The following SNX29 variants were observed in gnomAD, a reference collection of about 807,000 sequenced individuals.
SNX29 encodes sorting nexin-29.
In SNX29, 78 loss-of-function variants were observed where a neutral mutation model predicts 102.1. The ratio of observed to expected loss-of-function variants is 0.76; its 90% confidence interval spans 0.64 to 0.92. The LOEUF (loss-of-function observed/expected upper bound fraction) is 0.92, where lower values mean the gene tolerates loss of function less well. Ranked by LOEUF, SNX29 falls within the 40% of genes least tolerant of loss-of-function variation. SNX29 has a pLI of 0.00. For missense variants in SNX29, 1,280 were observed against 1,061.7 expected, an observed-to-expected ratio of 1.21 and a Z score of -2.86; for synonymous variants, 580 against 414.5, an observed-to-expected ratio of 1.40 and a Z score of -4.85.
intron 13 of SNX29, among the ~76,000 whole-genome samples, chr16:12,141,275 G>C (rs1023913480): frequency 6.6e-6 from 1 of 152,238 alleles, no homozygotes; most frequent in Non-Finnish European, 1.5e-5. Flanking sequence ...GTTGCAGGAA[G>C]TAGGCTGATC....
chr16:12,410,693 C>G lies in SNX29; in HGVS notation c.2037+7164C>G, dbSNP rs563997105. On this transcript the variant is annotated intron_variant, in intron 18 of 20. Coordinates refer to ENST00000566228, the MANE Select transcript of SNX29 (RefSeq NM_032167.5). The stretch of plus-strand genomic sequence containing the variant: ...AAGTGATCTTCCCACTTGGGCCTCC[C>G]AAAGTGCTGGGATTACAGGTGCAAG... Among the ~76,000 whole-genome samples, 35 of 152,318 alleles carry G rather than the reference C, an allele frequency of 2.3e-4. No homozygotes were observed. The South Asian group carries it at 7.3e-3, about 32-fold the overall frequency.
intron 14 of SNX29, among the ~76,000 whole-genome samples, chr16:12,227,103 A>C (rs904402850): frequency 1.3e-5 from 2 of 152,178 alleles, no homozygotes; most frequent in Non-Finnish European, 2.9e-5. Context: ...CTTTTGTACA[A>C]GCCAGCATTG....
Position 11,994,429 on chromosome 16 carries a change from T to C in SNX29, c.8-4868T>C, listed in dbSNP as rs1435910824. ...GATCGCTCCTGTGTGGCAAAGTGTTTGCTGAATTTGCACTGGGCCACTGCT... is the reference window on the plus strand; with the variant it reads ...GATCGCTCCTGTGTGGCAAAGTGTTCGCTGAATTTGCACTGGGCCACTGCT... On this transcript the variant is annotated intron_variant, in intron 1 of 20. Transcript: ENST00000566228. Among the ~76,000 whole-genome samples the C allele has an allele frequency of 2.0e-4, 30 of 152,312 alleles. No homozygotes were observed. The South Asian group carries it at 6.0e-3, about 30-fold the overall frequency.
At chr16:12,055,257 G>T in intron 8 of SNX29, among the ~76,000 whole-genome samples, 1 of 138,846 alleles carries the variant, frequency 7.2e-6, no homozygotes. Flanking sequence ...TTTCTGAGAT[G>T]GAGTCTTGCT....
At chr16:12,278,740 A>T (rs990804025) in intron 15 of SNX29, among the ~76,000 whole-genome samples, 1 of 152,258 alleles carries the variant, frequency 6.6e-6, no homozygotes, top group Non-Finnish European at 1.5e-5. Context: ...ATTTGTGTAT[A>T]AGATGTACAA....
At chr16:12,452,354 G>A (rs1304930053) in intron 18 of SNX29, among the ~76,000 whole-genome samples, 12 of 152,292 alleles carry the variant, frequency 7.9e-5, no homozygotes, top group Non-Finnish European at 1.5e-5. Context: ...ACAATGCACA[G>A]GACAGCTCCC....
intron 11 of SNX29, among the ~76,000 whole-genome samples, chr16:12,125,471 C>T (rs62038897): frequency 6.6e-6 from 1 of 152,098 alleles, no homozygotes; most frequent in East Asian, 1.9e-4. Context: ...TGTATGGGAC[C>T]TGGGAGGGTA....
At chr16:12,266,986 C>G (rs970002049) in intron 14 of SNX29, among the ~76,000 whole-genome samples, 3 of 152,100 alleles carry the variant, frequency 2.0e-5, no homozygotes, top group Admixed American at 2.0e-4. Flanking sequence ...TGGTCTCGAA[C>G]TCTTGATCTC....
chr16:12,458,647 G>A (rs984251821), intron 18 of SNX29, among the ~76,000 whole-genome samples: 1 of 152,220 alleles, frequency 6.6e-6, no homozygotes, highest in Non-Finnish European at 1.5e-5. Context: ...GATACAGGAA[G>A]GAGCTTTGAA....
intron 14 of SNX29, among the ~76,000 whole-genome samples, chr16:12,215,755 G>A (rs529618612): frequency 6.6e-5 from 10 of 152,212 alleles, no homozygotes; most frequent in African/African-American, 2.4e-4. Context: ...TTTTGTCCTC[G>A]TAATCTCACT....
chr16:12,341,120 A>T (rs1022832283), intron 15 of SNX29, among the ~76,000 whole-genome samples: 1 of 152,230 alleles, frequency 6.6e-6, no homozygotes, highest in Non-Finnish European at 1.5e-5. Flanking sequence ...TACTATTATT[A>T]TTGGAGCCCA....
chr16:12,550,432 G>C (rs2077898284), intron 20 of SNX29, among the ~76,000 whole-genome samples: 1 of 151,980 alleles, frequency 6.6e-6, no homozygotes, highest in African/African-American at 2.4e-5. Context: ...CTACTTGGGA[G>C]GCTGAGGCAG....
chr16:12,332,064 AAAT>A (rs1283229969), intron 15 of SNX29, among the ~76,000 whole-genome samples: 4 of 152,196 alleles, frequency 2.6e-5, no homozygotes, highest in Admixed American at 2.0e-4. Flanking sequence ...CATCTCAAAA[AAAT>A]AATAATAATA....
intron 18 of SNX29, among the ~76,000 whole-genome samples, chr16:12,416,251 C>T (rs564352963): frequency 2.6e-5 from 4 of 152,236 alleles, no homozygotes; most frequent in East Asian, 1.9e-4. Flanking sequence ...GCACTTAGCA[C>T]AGACGCAAGC....
At chr16:12,306,111 C>T (rs1358862450) in intron 15 of SNX29, among the ~76,000 whole-genome samples, 2 of 151,968 alleles carry the variant, frequency 1.3e-5, no homozygotes, top group African/African-American at 4.8e-5. Context: ...ATGAGGGGCC[C>T]TCTCCTCTGA....
intron 11 of SNX29, among the ~76,000 whole-genome samples, chr16:12,106,723 C>A (rs1426775906): frequency 6.6e-6 from 1 of 151,004 alleles, no homozygotes; most frequent in Non-Finnish European, 1.5e-5. Context: ...TTAAGCGATT[C>A]TCCTGCCTTG....
chr16:12,262,344 A>G (rs561313100), intron 14 of SNX29, among the ~76,000 whole-genome samples: 142 of 152,318 alleles, frequency 9.3e-4, no homozygotes, highest in African/African-American at 3.3e-3. Context: ...CTCCCTGGGA[A>G]TTTGTCAGCT....
chr16:12,060,513 G>C (rs563254402), intron 8 of SNX29, among the ~76,000 whole-genome samples: 2 of 152,318 alleles, frequency 1.3e-5, no homozygotes, highest in Non-Finnish European at 2.9e-5. Flanking sequence ...GAGGCAGGAG[G>C]CTCTGCCAAA....
At chr16:12,139,222 A>C (rs944066800) in intron 13 of SNX29, among the ~76,000 whole-genome samples, 55 of 140,448 alleles carry the variant, frequency 3.9e-4, no homozygotes, top group African/African-American at 1.2e-3. Flanking sequence ...AAAAAAAAAA[A>C]GGGAGGAAGG....
Sources: allele counts gnomAD v4.1 joint callset (sites outside exome capture counted in the v4.1 genomes callset), GRCh38; gene constraint gnomAD v4.1.1; transcripts MANE v1.5; gene names NCBI Gene and HGNC (gene_info 2026-07-23, HGNC 2026-07-21).